Variants in ZNF217 observed in about 807,000 individuals in gnomAD.
ZNF217 encodes zinc finger protein 217.
In ZNF217, 12 loss-of-function variants were observed where a neutral mutation model predicts 73.3. That is an observed-to-expected ratio of 0.16 (90% CI 0.10 to 0.27). The LOEUF (loss-of-function observed/expected upper bound fraction) is 0.27, where lower values mean the gene tolerates loss of function less well. Ranked by LOEUF, ZNF217 falls within the 10% of genes least tolerant of loss-of-function variation. The pLI is 1.00. For synonymous variants in ZNF217, 588 were observed against 516.4 expected, an observed-to-expected ratio of 1.14 and a Z score of -1.88; for missense variants, 1,195 against 1,327.8, an observed-to-expected ratio of 0.90 and a Z score of 1.55.
In ZNF217 at chr20:53,569,126, G is replaced by C; in HGVS notation, c.*162C>G. The C allele has an allele frequency of 2.3e-6, 3 of 1,333,220 alleles. No individual in the cohort carries two copies. The highest frequency in any genetic ancestry group is 3.0e-6 in the Non-Finnish European group (3 of 1,005,996). The allele number at this position is 1,333,220 out of a possible 1,614,324, so 82.6% of individuals were successfully genotyped here. A position where few individuals can be genotyped will look rare whatever the true frequency, so the allele number is the denominator to read the frequency against. On this transcript the variant is annotated 3_prime_UTR_variant, in exon 6 of 6. Coordinates refer to ENST00000371471, the MANE Select transcript of ZNF217 (RefSeq NM_006526.3). Reference sequence around the variant, plus strand: ...GTTAACAGAACAACTTTACACAACTGTAGTGTTCCTTGCAGATTCCTCATA... The same window carrying C: ...GTTAACAGAACAACTTTACACAACTCTAGTGTTCCTTGCAGATTCCTCATA...
chr20:53,593,362 C>G (rs1261657072), intron 1 of ZNF217, among the ~76,000 whole-genome samples: 5 of 152,140 alleles, frequency 3.3e-5, no homozygotes, highest in Admixed American at 1.3e-4. Flanking sequence ...CGCCCGCGCC[C>G]CAAGGGCCAA....
chr20:53,576,624 A>T lies in ZNF217; in HGVS notation c.2140T>A (p.Phe714Ile). The T allele has an allele frequency of 6.2e-7, 1 of 1,614,244 alleles. No individual in the cohort carries two copies. Among genetic ancestry groups the T allele is most frequent in the Non-Finnish European group, 8.5e-7 (1 of 1,180,042 alleles). ...GGATAAAATGTCTTGAAGGTACAAA[A>T]TGGACAGGTGATACTTGGAATCAAA... The part of the protein sequence containing the change: ...KSLIPSITCP[F>I]CTFKTFYPEV... The change falls in exon 4 of 6, where the codon TTT becomes ATT. Residue 714 changes from phenylalanine to isoleucine, a missense_variant. Physicochemically the swap from Phe to Ile is conservative, Grantham distance 21. Coordinates refer to ENST00000371471, the MANE Select transcript of ZNF217 (RefSeq NM_006526.3).
In ZNF217 at chr20:53,568,810, G is replaced by C. The variant is rs542467977; in HGVS notation, c.*478C>G. ...CACAATAGCAGAAACTGCTCCAAGT[G>C]ATGAGCTGCATTAGAGAAAAGGAAT... On this transcript the variant is annotated 3_prime_UTR_variant, in exon 6 of 6. Coordinates refer to ENST00000371471, the MANE Select transcript of ZNF217 (RefSeq NM_006526.3). The C allele has an allele frequency of 4.6e-5, 7 of 152,228 alleles. No homozygotes were observed. In the South Asian group the frequency reaches 1.4e-3, roughly 31 times the overall value. The allele number at this position is 152,228 out of a possible 1,614,324, so 9.4% of individuals were successfully genotyped here.
At chr20:53,593,858 A>C (rs1304524491), upstream of ZNF217, 1 of 19,306 alleles carries the variant, frequency 5.2e-5, no homozygotes, top group African/African-American at 2.2e-4. Flanking sequence ...GCGGGCGCGG[A>C]GGGGAGGGGG....
chr20:53,576,358 G>A lies in ZNF217; in HGVS notation c.2406C>T (p.Ala802=), dbSNP rs1568682699. The A allele has an allele frequency of 6.2e-7, 1 of 1,614,198 alleles. No homozygotes were observed. Among genetic ancestry groups the A allele is most frequent in the African/African-American group, 1.3e-5 (1 of 75,056 alleles). The change falls in exon 4 of 6, where the codon GCC becomes GCT. Residue 802 remains alanine (A), a synonymous_variant. Transcript: ENST00000371471. ...GKQSPPGPGK[A]PLTSGIDSST... ...TAGAGTCTATCCCTGAAGTCAGAGGGGCCTTGCCTGGCCCAGGAGGGCTCT... is the reference window on the plus strand; with the variant it reads ...TAGAGTCTATCCCTGAAGTCAGAGGAGCCTTGCCTGGCCCAGGAGGGCTCT...
rs527884370 is a variant in ZNF217, at chr20:53,574,069, C to CAA, written c.3037+1656_3037+1657dup. ...TGGGCAACAGAGCAAGACTCCATCT[C>CAA]AAAAAAAAAAAAAATCATCTCTTCG... On this transcript the variant is annotated intron_variant, in intron 4 of 5. Transcript: ENST00000371471. Among the ~76,000 whole-genome samples, 36 of 121,184 alleles carry CAA rather than the reference C, an allele frequency of 3.0e-4. No homozygotes were observed. The East Asian group carries it at 6.6e-3, about 22-fold the overall frequency. 79.5% of individuals were successfully genotyped at this position (121,184 alleles called of 152,430 possible).
intron 3 of ZNF217, among the ~76,000 whole-genome samples, chr20:53,577,764 A>G (rs1352524749): frequency 6.6e-6 from 1 of 152,238 alleles, no homozygotes; most frequent in African/African-American, 2.4e-5. Flanking sequence ...GTAGCTTTTA[A>G]TAAGATAAGA....
intron 1 of ZNF217, among the ~76,000 whole-genome samples, chr20:53,584,697 T>G (rs1464672361): frequency 2.6e-5 from 4 of 152,346 alleles, no homozygotes; most frequent in East Asian, 3.9e-4. Context: ...AGGATGGCCT[T>G]TACAGTTCCA....
intron 2 of ZNF217, among the ~76,000 whole-genome samples, chr20:53,579,275 A>C (rs1016807027): frequency 1.3e-5 from 2 of 152,160 alleles, no homozygotes; most frequent in Non-Finnish European, 2.9e-5. Context: ...CCCCCAAAAC[A>C]CATGAATGTT....
At chr20:53,573,361 A>G (rs1189594929) in intron 4 of ZNF217, among the ~76,000 whole-genome samples, 1 of 152,186 alleles carries the variant, frequency 6.6e-6, no homozygotes, top group African/African-American at 2.4e-5. Context: ...CTGGGATTAC[A>G]GGCGTGAGCC....
chr20:53,593,046 C>A (rs1988937990), intron 1 of ZNF217, among the ~76,000 whole-genome samples: 1 of 151,942 alleles, frequency 6.6e-6, no homozygotes. Flanking sequence ...AAAAAAGCCA[C>A]CTTATCGCAC....
chr20:53,571,047 G>A (rs1987976334), intron 5 of ZNF217, among the ~76,000 whole-genome samples: 1 of 152,198 alleles, frequency 6.6e-6, no homozygotes, highest in Non-Finnish European at 1.5e-5. Context: ...CTGCAGCAAG[G>A]AGGTAGCCAC....
chr20:53,581,766 G>A lies in ZNF217; in HGVS notation c.1061C>T (p.Ser354Phe), dbSNP rs367758885. 1.1e-5 allele frequency: 18 copies of A among 1,614,254 alleles called. No homozygotes were observed. The highest frequency in any genetic ancestry group is 1.4e-5 in the Non-Finnish European group (17 of 1,180,044). The change falls in exon 2 of 6, where the codon TCC (serine) becomes TTC (phenylalanine). Residue 354 changes from serine to phenylalanine, a missense_variant. Coordinates refer to ENST00000371471, the MANE Select transcript of ZNF217 (RefSeq NM_006526.3). The surrounding 1 kb of genome is among the most constrained non-coding windows in gnomAD (Gnocchi z 4.9). ...GTCCACGGAGGGCGCTTCGCCGTGG[G>A]AGTGTTTGCACTTCTCTTTCTCTTG... ...LSQEKEKCKH[S>F]HGEAPSVDAD...
chr20:53,584,399 A>T (rs1483268655), intron 1 of ZNF217, among the ~76,000 whole-genome samples: 3 of 152,262 alleles, frequency 2.0e-5, no homozygotes, highest in Non-Finnish European at 2.9e-5. Context: ...ACACTCCGAA[A>T]TAGAAATTCT....
At position 53,585,968 on chromosome 20, in the gene ZNF217, G is replaced by T. The variant is rs1415561091; in HGVS notation, c.-342-2800C>A. 5.3e-5 allele frequency among the ~76,000 whole-genome samples: 8 copies of T among 152,242 alleles called. No homozygotes were observed. In the South Asian group the frequency reaches 8.3e-4, roughly 16 times the overall value. Reference sequence around the variant, plus strand: ...TGACCAACTGTCCTAGGCTCCCAGGGCCACAGCAATCCTTAGGCACCCCAA... The same window carrying T: ...TGACCAACTGTCCTAGGCTCCCAGGTCCACAGCAATCCTTAGGCACCCCAA... On this transcript the variant is annotated intron_variant, in intron 1 of 5. Transcript: ENST00000371471.
At chr20:53,594,906 ATTG>A (rs1231807464), upstream of ZNF217, among the ~76,000 whole-genome samples, 1 of 152,026 alleles carries the variant, frequency 6.6e-6, no homozygotes, top group Non-Finnish European at 1.5e-5. Flanking sequence ...AAGCTATTTA[ATTG>A]TTGTGATTTT....
chr20:53,582,833 T>C lies in ZNF217; in HGVS notation c.-7A>G. The C allele has an allele frequency of 1.3e-6, 2 of 1,582,174 alleles. No individual in the cohort carries two copies. Among genetic ancestry groups the C allele is most frequent in the Non-Finnish European group, 1.7e-6 (2 of 1,161,990 alleles). On this transcript the variant is annotated 5_prime_UTR_variant, in exon 2 of 6. Transcript: ENST00000371471. This position sits in a 1 kb window ranked among gnomAD's most constrained non-coding sequence, Gnocchi z 4.8. Reference sequence around the variant, plus strand: ...CTGTCACTTTCGATTGCATATAATCTCAAAGTTCCGTTGGGCAATTTCTGG... The same window carrying C: ...CTGTCACTTTCGATTGCATATAATCCCAAAGTTCCGTTGGGCAATTTCTGG...
intron 3 of ZNF217, 151 bp downstream of exon 3, chr20:53,578,183 A>G (rs1036751378): frequency 3.8e-6 from 2 of 529,580 alleles, no homozygotes; most frequent in Admixed American, 3.9e-5. Flanking sequence ...TGGCACTAAA[A>G]GAATAAAAAT....
chr20:53,596,399 A>C (rs1199685505), upstream of ZNF217, among the ~76,000 whole-genome samples: 1 of 152,198 alleles, frequency 6.6e-6, no homozygotes, highest in Non-Finnish European at 1.5e-5. Flanking sequence ...CGTGCCAACG[A>C]AACTGGGAAA....
Sources: gnomAD v4.1 joint callset for allele counts (sites outside exome capture counted in the v4.1 genomes callset) on GRCh38, gnomAD v4.1.1 for gene constraint, Gnocchi (gnomAD v3.1) non-coding constraint, MANE v1.5 for transcripts, NCBI Gene and HGNC (gene_info 2026-07-23, HGNC 2026-07-21) for gene names.